The following AP1S2 variants were observed in gnomAD, a reference collection of about 807,000 sequenced individuals.
The protein encoded by AP1S2 is AP-1 complex subunit sigma-2.
A neutral mutation model predicts 14.3 loss-of-function variants in AP1S2; 1 was observed. The observed-to-expected ratio is 0.07, with a 90% CI of 0.02 to 0.33. AP1S2 has a LOEUF of 0.33. Ranked by LOEUF, AP1S2 falls within the 10% of genes least tolerant of loss-of-function variation. The probability of loss-of-function intolerance (pLI) is 0.99; values close to 1 mark genes in which losing one functional copy is unlikely to be tolerated. For missense variants in AP1S2, 30 were observed against 117.7 expected, an observed-to-expected ratio of 0.25 and a Z score of 3.45; for synonymous variants, 30 against 40.5, an observed-to-expected ratio of 0.74 and a Z score of 0.99.
chrX:15,853,207 A>G (rs1934230030), intron 1 of AP1S2, among the ~76,000 whole-genome samples: 1 of 112,838 alleles, frequency 8.9e-6, no homozygotes, highest in Non-Finnish European at 1.9e-5. Flanking sequence ...AAACGTTTAA[A>G]AGGCCACAAT....
intron 4 of AP1S2, among the ~76,000 whole-genome samples, chrX:15,839,183 T>C (rs1318271583): frequency 8.9e-6 from 1 of 112,237 alleles, no homozygotes; most frequent in Admixed American, 9.4e-5. Context: ...AAACCCTGAT[T>C]AAGTTTACCT....
intron 2 of AP1S2, among the ~76,000 whole-genome samples, chrX:15,850,294 C>A (rs1270815493): frequency 2.7e-5 from 3 of 111,026 alleles, no homozygotes; most frequent in Non-Finnish European, 5.7e-5. Context: ...CACCTTGTAC[C>A]CCATCAGCAA....
At chrX:15,829,255 T>C (rs1933353967) in intron 4 of AP1S2, among the ~76,000 whole-genome samples, 1 of 112,146 alleles carries the variant, frequency 8.9e-6, no homozygotes, top group African/African-American at 3.2e-5. Context: ...ATCCCTTTCA[T>C]TTATATTTAG....
intron 4 of AP1S2, among the ~76,000 whole-genome samples, chrX:15,835,238 T>A (rs1207053452): frequency 8.9e-6 from 1 of 112,456 alleles, no homozygotes; most frequent in East Asian, 2.8e-4. Context: ...ATAAGTGTAA[T>A]TTCAAGTTAT....
intron 4 of AP1S2, among the ~76,000 whole-genome samples, chrX:15,838,676 C>G (rs953937527): frequency 9.0e-6 from 1 of 111,035 alleles, no homozygotes; most frequent in African/African-American, 3.3e-5. Flanking sequence ...AAAAAAGGCT[C>G]AAAAACACAT....
intron 4 of AP1S2, chrX:15,830,163 T>TAAGCA: frequency 1.3e-6 from 1 of 749,395 alleles, no homozygotes; most frequent in Non-Finnish European, 1.6e-6. Context: ...AACATTTTGT[T>TAAGCA]ACAGCTTAGC....
rs1417313512 is a variant in AP1S2, at chrX:15,826,677, A to G, written c.*648T>C. 1 of 110,393 alleles carries G rather than the reference A, an allele frequency of 9.1e-6. No individual in the cohort carries two copies. Among genetic ancestry groups the G allele is most frequent in the African/African-American group, 3.3e-5 (1 of 30,283 alleles). 9.1% of individuals were successfully genotyped at this position (110,393 alleles called of 1,213,427 possible). ...ATTATGTGCTTACTATTGTGAAACA[A>G]TCCTGTTTCTCATCCCAGATTCAGA... On this transcript the variant is annotated 3_prime_UTR_variant, in exon 6 of 6. Coordinates refer to ENST00000672987, the MANE Select transcript of AP1S2 (RefSeq NM_001272071.2).
intron 4 of AP1S2, among the ~76,000 whole-genome samples, chrX:15,842,406 C>T (rs1454141025): frequency 1.8e-5 from 2 of 111,724 alleles, no homozygotes; most frequent in African/African-American, 6.5e-5. Context: ...ATGGCCTTAA[C>T]CTACGATGTA....
At chrX:15,829,493 G>C (rs1216034097) in intron 4 of AP1S2, among the ~76,000 whole-genome samples, 1 of 111,368 alleles carries the variant, frequency 9.0e-6, no homozygotes, top group Non-Finnish European at 1.9e-5. Context: ...TTCCCCATGT[G>C]CTCACTGCCT....
chrX:15,841,647 T>C (rs1464075325), intron 4 of AP1S2, among the ~76,000 whole-genome samples: 1 of 111,940 alleles, frequency 8.9e-6, no homozygotes, highest in Non-Finnish European at 1.9e-5. Flanking sequence ...ATTATTTATA[T>C]CTACATATCC....
At chrX:15,835,144 T>C (rs1312915242) in intron 4 of AP1S2, among the ~76,000 whole-genome samples, 1 of 112,524 alleles carries the variant, frequency 8.9e-6, no homozygotes, top group Non-Finnish European at 1.9e-5. Context: ...TATCTATGAC[T>C]GAATGCCTAA....
chrX:15,849,975 C>A (rs1934122149), intron 2 of AP1S2, among the ~76,000 whole-genome samples: 2 of 111,946 alleles, frequency 1.8e-5, no homozygotes, highest in South Asian at 7.4e-4. Context: ...CACTATTCCA[C>A]TGAAAATGTT....
At chrX:15,849,820 C>T (rs750553423) in intron 2 of AP1S2, among the ~76,000 whole-genome samples, 4 of 111,336 alleles carry the variant, frequency 3.6e-5, no homozygotes, top group African/African-American at 1.3e-4. Context: ...TTTTTAAAAA[C>T]CTTGTCCCCC....
At chrX:15,837,837 C>G (rs1373636348) in intron 4 of AP1S2, among the ~76,000 whole-genome samples, 4 of 110,131 alleles carry the variant, frequency 3.6e-5, no homozygotes, top group Non-Finnish European at 7.6e-5. Context: ...GATCTCCTGA[C>G]CTTGTGATCC....
chrX:15,831,695 T>C (rs778405767), intron 4 of AP1S2: 2 of 763,978 alleles, frequency 2.6e-6, no homozygotes, highest in Admixed American at 8.6e-5. Context: ...TTTCATTCTT[T>C]GGTTTAAGGC....
intron 4 of AP1S2, among the ~76,000 whole-genome samples, chrX:15,840,287 G>A (rs375660073): frequency 6.2e-5 from 7 of 112,381 alleles, no homozygotes; most frequent in African/African-American, 2.3e-4. Flanking sequence ...AAATGATGCT[G>A]TTAGTATAAA....
rs915710328 is a variant in AP1S2, at chrX:15,828,195, C to T, written c.432G>A (p.Ala144=). The change falls in exon 5 of 6, where the codon GCG becomes GCA. Residue 144 remains alanine (A), a synonymous_variant. Transcript: ENST00000672987. ...IEQADLLQED[A]KEAETPRSVL... ...TGGCATCCAGTAATAAACTTACTTT[C>T]GCATCCTAATCATGGTACAGCACAA... The T allele has an allele frequency of 1.1e-5, 12 of 1,116,416 alleles. No individual in the cohort carries two copies. In the African/African-American group the frequency reaches 1.6e-4, roughly 15 times the overall value. The allele number at this position is 1,116,416 out of a possible 1,213,427, so 92.0% of individuals were successfully genotyped here. A position where few individuals can be genotyped will look rare whatever the true frequency, so the allele number is the denominator to read the frequency against.
intron 4 of AP1S2, chrX:15,845,012 A>G: frequency 1.3e-6 from 1 of 749,799 alleles, no homozygotes; most frequent in African/African-American, 2.3e-5. Flanking sequence ...ACTAATGAAA[A>G]AGGGGGTTAT....
At chrX:15,851,203 T>C (rs1934165046) in intron 2 of AP1S2, among the ~76,000 whole-genome samples, 1 of 112,483 alleles carries the variant, frequency 8.9e-6, no homozygotes, top group African/African-American at 3.2e-5. Context: ...TTCTATAATC[T>C]TTAATAAGAC....
Sources: allele counts gnomAD v4.1 joint callset (sites outside exome capture counted in the v4.1 genomes callset), GRCh38; gene constraint gnomAD v4.1.1; transcripts MANE v1.5; gene names NCBI Gene and HGNC (gene_info 2026-07-23, HGNC 2026-07-21).